Variants in DLGAP2 observed in about 807,000 individuals in gnomAD.
The protein encoded by DLGAP2 is disks large-associated protein 2.
Under a neutral mutation model 100.3 loss-of-function variants are expected in DLGAP2, and 26 were observed. The observed-to-expected ratio is 0.26, with a 90% CI of 0.19 to 0.36. The LOEUF is 0.36. Among genes scored for constraint, DLGAP2 ranks in the 10% least tolerant of loss-of-function variants. The pLI is 1.00. For missense variants in DLGAP2, 1,858 were observed against 1,453.2 expected (o/e 1.28, Z -4.53); for synonymous variants, 886 against 630.1 (o/e 1.41, Z -6.08).
intron 3 of DLGAP2, among the ~76,000 whole-genome samples, chr8:1,445,255 C>T (rs1201862293): frequency 9.9e-6 from 1 of 101,374 alleles, no homozygotes; most frequent in Non-Finnish European, 1.8e-5. Flanking sequence ...CACCCCACAA[C>T]AGTCCCCAGA....
intron 2 of DLGAP2, among the ~76,000 whole-genome samples, chr8:966,646 A>AATGTG (rs78260546): frequency 0.35 from 53,286 of 151,694 alleles, 10,680 homozygotes; most frequent in Admixed American, 0.52. Context: ...CCTCTAACAA[A>AATGTG]ATGTGATGGG....
At chr8:1,671,809 C>G (rs1000456332) in intron 10 of DLGAP2, among the ~76,000 whole-genome samples, 1 of 152,192 alleles carries the variant, frequency 6.6e-6, no homozygotes, top group African/African-American at 2.4e-5. Flanking sequence ...ACAGACAGGT[C>G]TCATCACAGC....
intron 3 of DLGAP2, among the ~76,000 whole-genome samples, chr8:1,289,931 G>A (rs1375315578): frequency 6.6e-6 from 1 of 152,174 alleles, no homozygotes; most frequent in East Asian, 1.9e-4. Context: ...ACCATCTATT[G>A]ATACTCAAGA....
chr8:1,669,338 C>A (rs1241687927), intron 9 of DLGAP2, among the ~76,000 whole-genome samples: 1 of 152,186 alleles, frequency 6.6e-6, no homozygotes, highest in Admixed American at 6.5e-5. Context: ...GAGCTCTGGC[C>A]GGCTCCTGCC....
At chr8:1,010,592 C>T (rs983742350) in intron 2 of DLGAP2, among the ~76,000 whole-genome samples, 1 of 152,212 alleles carries the variant, frequency 6.6e-6, no homozygotes, top group Non-Finnish European at 1.5e-5. Flanking sequence ...TCCAGTTTCA[C>T]TTACGACATC....
chr8:1,551,607 C>G (rs1801768471), intron 5 of DLGAP2, among the ~76,000 whole-genome samples: 2 of 152,216 alleles, frequency 1.3e-5, no homozygotes, highest in Admixed American at 1.3e-4. Context: ...CAGTCGTCCA[C>G]AAAGGTGAAG....
chr8:1,468,784 C>T (rs1318404527), intron 3 of DLGAP2, among the ~76,000 whole-genome samples: 2 of 152,120 alleles, frequency 1.3e-5, no homozygotes, highest in South Asian at 2.1e-4. Context: ...ACTCCCACTG[C>T]AGGCTCTGAA....
intron 2 of DLGAP2, among the ~76,000 whole-genome samples, chr8:947,833 C>G (rs1314991909): frequency 6.7e-6 from 1 of 149,650 alleles, no homozygotes; most frequent in Non-Finnish European, 1.5e-5. Flanking sequence ...TGCCATGGCT[C>G]CCGACCCCGT....
At chr8:1,489,168 A>G (rs1799305370) in intron 3 of DLGAP2, among the ~76,000 whole-genome samples, 1 of 152,204 alleles carries the variant, frequency 6.6e-6, no homozygotes, top group African/African-American at 2.4e-5. Flanking sequence ...AGCCTGGGAA[A>G]CAACATTCCA....
At chr8:1,460,153 G>A (rs1367887451) in intron 3 of DLGAP2, among the ~76,000 whole-genome samples, 2 of 152,180 alleles carry the variant, frequency 1.3e-5, no homozygotes, top group African/African-American at 4.8e-5. Context: ...TCCACACCAT[G>A]CTTCCTTTGA....
chr8:959,710 A>T (rs1157919342), intron 2 of DLGAP2, among the ~76,000 whole-genome samples: 1 of 152,168 alleles, frequency 6.6e-6, no homozygotes, highest in East Asian at 1.9e-4. Context: ...TCTCTGTGAG[A>T]GATGCAAGGT....
chr8:1,237,074 C>T (rs1240241907), intron 2 of DLGAP2, among the ~76,000 whole-genome samples: 4 of 140,878 alleles, frequency 2.8e-5, no homozygotes, highest in African/African-American at 1.1e-4. Context: ...AGTTCTGTCA[C>T]ATGGCGCCGT....
At chr8:986,412 A>C (rs1158942516) in intron 2 of DLGAP2, among the ~76,000 whole-genome samples, 1 of 152,196 alleles carries the variant, frequency 6.6e-6, no homozygotes, top group East Asian at 1.9e-4. Context: ...GGTGGTTGCA[A>C]ATTAAACTTT....
At chr8:1,331,762 C>T (rs1279373796) in intron 3 of DLGAP2, among the ~76,000 whole-genome samples, 3 of 152,210 alleles carry the variant, frequency 2.0e-5, no homozygotes, top group African/African-American at 7.2e-5. Context: ...GGGCTGGGCA[C>T]ACCTTCTCTC....
chr8:1,030,237 G>T (rs970149431), intron 2 of DLGAP2, among the ~76,000 whole-genome samples: 3 of 152,194 alleles, frequency 2.0e-5, no homozygotes, highest in Non-Finnish European at 4.4e-5. Context: ...GTTCAGCCTC[G>T]TAATTAAATA....
chr8:1,641,899 A>AC (rs142846569), intron 8 of DLGAP2, among the ~76,000 whole-genome samples: 248 of 121,994 alleles, frequency 2.0e-3, no homozygotes, highest in African/African-American at 7.8e-3. Context: ...CACCTGTGTC[A>AC]CCCTCGACCC....
intron 3 of DLGAP2, among the ~76,000 whole-genome samples, chr8:1,411,692 A>G (rs913459357): frequency 2.0e-5 from 3 of 152,204 alleles, no homozygotes; most frequent in Non-Finnish European, 4.4e-5. Flanking sequence ...TGCCAAGAGT[A>G]AGCATTTCAC....
At chr8:1,203,572 C>T (rs936598300) in intron 2 of DLGAP2, among the ~76,000 whole-genome samples, 2 of 152,192 alleles carry the variant, frequency 1.3e-5, no homozygotes, top group African/African-American at 2.4e-5. Flanking sequence ...CTAGCAGATT[C>T]TCTACTCTTC....
intron 3 of DLGAP2, among the ~76,000 whole-genome samples, chr8:1,318,425 T>G (rs1299419563): frequency 6.6e-6 from 1 of 151,226 alleles, no homozygotes; most frequent in African/African-American, 2.4e-5. Flanking sequence ...CCCAGATTGT[T>G]AGTGACCTTC....
Sources: allele counts gnomAD v4.1 joint callset (sites outside exome capture counted in the v4.1 genomes callset), GRCh38; gene constraint gnomAD v4.1.1; transcripts MANE v1.5; gene names NCBI Gene and HGNC (gene_info 2026-07-23, HGNC 2026-07-21).